The following TMEM117 variants were observed in gnomAD, a reference collection of about 807,000 sequenced individuals.
TMEM117 encodes transmembrane protein 117.
TMEM117 carries 27 observed loss-of-function variants against 52.4 expected under a neutral mutation model. The ratio of observed to expected loss-of-function variants is 0.51; its 90% CI spans 0.38 to 0.71. TMEM117 has a LOEUF of 0.71. TMEM117 is among the 30% of genes least tolerant of loss of function. The pLI is 0.00. For missense variants in TMEM117, 556 were observed against 630.5 expected (o/e 0.88, Z 1.26); for synonymous variants, 215 against 206.3 (o/e 1.04, Z -0.36).
At chr12:44,134,843 C>G (rs1283227427) in intron 3 of TMEM117, among the ~76,000 whole-genome samples, 1 of 151,770 alleles carries the variant, frequency 6.6e-6, no homozygotes, top group Non-Finnish European at 1.5e-5. Flanking sequence ...GACGTTAGCT[C>G]AAGAACAAAG....
intron 2 of TMEM117, among the ~76,000 whole-genome samples, chr12:43,900,699 C>T (rs533119124): frequency 1.6e-4 from 22 of 141,102 alleles, no homozygotes; most frequent in African/African-American, 5.6e-4. Context: ...GCCTGGGCGA[C>T]AGAGTGAGAC....
chr12:43,995,759 A>G (rs977112671), intron 3 of TMEM117, among the ~76,000 whole-genome samples: 7 of 152,214 alleles, frequency 4.6e-5, no homozygotes, highest in African/African-American at 1.4e-4. Context: ...ATCACAGGCT[A>G]CAAGAAAACA....
At chr12:43,820,835 C>T in the TMEM117 span, among the ~76,000 whole-genome samples, 2 of 151,920 alleles carry the variant, frequency 1.3e-5, no homozygotes, top group Admixed American at 6.6e-5. Flanking sequence ...GGCGCGTTGG[C>T]TCACGCCTGT....
chr12:43,908,673 CA>C (rs957541883), intron 2 of TMEM117, among the ~76,000 whole-genome samples: 5 of 151,472 alleles, frequency 3.3e-5, no homozygotes, highest in Admixed American at 6.6e-5. Flanking sequence ...AAATGGAAAA[CA>C]AAAAAAGGCA....
chr12:43,819,156 T>C, the TMEM117 span, among the ~76,000 whole-genome samples: 2 of 152,182 alleles, frequency 1.3e-5, no homozygotes, highest in Non-Finnish European at 2.9e-5. Flanking sequence ...AACCAGTTGT[T>C]TGATTGTAGA....
At chr12:43,907,423 C>CT (rs1485644595) in intron 2 of TMEM117, among the ~76,000 whole-genome samples, 1 of 151,244 alleles carries the variant, frequency 6.6e-6, no homozygotes, top group Non-Finnish European at 1.5e-5. Flanking sequence ...ACTGGAAACT[C>CT]TAAAAAGCGG....
At chr12:44,393,017 CA>C (rs1243024858), downstream of TMEM117, among the ~76,000 whole-genome samples, 12 of 152,048 alleles carry the variant, frequency 7.9e-5, no homozygotes, top group Admixed American at 7.9e-4. Context: ...AAATATCTTC[CA>C]GGTACTTTCT....
chr12:44,114,215 G>A (rs1370094606), intron 3 of TMEM117, among the ~76,000 whole-genome samples: 1 of 151,984 alleles, frequency 6.6e-6, no homozygotes, highest in African/African-American at 2.4e-5. Context: ...TTCCTATTCG[G>A]CCATCTTGGC....
intron 3 of TMEM117, among the ~76,000 whole-genome samples, chr12:44,125,641 T>C (rs1948312553): frequency 6.6e-6 from 1 of 152,158 alleles, no homozygotes; most frequent in Non-Finnish European, 1.5e-5. Flanking sequence ...GGTCTATCTG[T>C]TTTATTAAGT....
intron 3 of TMEM117, among the ~76,000 whole-genome samples, chr12:44,084,084 G>T (rs538170532): frequency 1.3e-5 from 2 of 152,156 alleles, no homozygotes; most frequent in African/African-American, 2.4e-5. Context: ...GTTAAATATT[G>T]GTTTAAAGGT....
At chr12:44,145,997 G>A (rs1948637292) in intron 4 of TMEM117, among the ~76,000 whole-genome samples, 4 of 152,116 alleles carry the variant, frequency 2.6e-5, no homozygotes, top group Admixed American at 2.6e-4. Context: ...ACCATATACA[G>A]CTCTGCCTCT....
rs1352636475 is a variant in TMEM117 at position 43,844,835 on chromosome 12, G to T, written c.184G>T (p.Val62Phe). The change falls in exon 2 of 8, where the codon GTT (valine) becomes TTT (phenylalanine). Residue 62 changes from valine to phenylalanine, a missense_variant. Coordinates refer to ENST00000266534, the MANE Select transcript of TMEM117 (RefSeq NM_032256.3). ...SFVTNKYPRG[V>F]GWRILKVLLW... ...TGTTACAAATAAATACCCTAGAGGA[G>T]TTGGCTGGAGGATTTTGAAGGTGCT... 6.8e-6 allele frequency: 11 copies of T among 1,614,088 alleles called. No individual in the cohort carries two copies. Among genetic ancestry groups the T allele is most frequent in the Non-Finnish European group, 9.3e-6 (11 of 1,180,042 alleles).
intron 5 of TMEM117, among the ~76,000 whole-genome samples, chr12:44,266,201 T>A (rs1474280140): frequency 6.6e-6 from 1 of 152,194 alleles, no homozygotes; most frequent in Admixed American, 6.5e-5. Context: ...TTTGAAGAAC[T>A]ACCAAACTGC....
chr12:44,256,306 G>C (rs1017179865), intron 5 of TMEM117, among the ~76,000 whole-genome samples: 1 of 151,644 alleles, frequency 6.6e-6, no homozygotes, highest in African/African-American at 2.4e-5. Context: ...TTATTGCATT[G>C]GTCAGATATA....
intron 5 of TMEM117, among the ~76,000 whole-genome samples, chr12:44,228,645 G>A (rs779328090): frequency 5.9e-5 from 9 of 152,092 alleles, no homozygotes; most frequent in Non-Finnish European, 1.3e-4. Context: ...AGAACTGAAT[G>A]ACTGGAAGGA....
chr12:44,282,437 A>T (rs776080510), intron 5 of TMEM117, among the ~76,000 whole-genome samples: 2 of 152,202 alleles, frequency 1.3e-5, no homozygotes, highest in Non-Finnish European at 2.9e-5. Context: ...GCTGATAGCG[A>T]TATGGACCAT....
chr12:44,216,598 T>A (rs1949721681), intron 5 of TMEM117, among the ~76,000 whole-genome samples: 1 of 152,182 alleles, frequency 6.6e-6, no homozygotes, highest in South Asian at 2.1e-4. Flanking sequence ...AAATTGATGC[T>A]GGAAACTGGA....
At chr12:44,152,458 T>A (rs1179640242) in intron 4 of TMEM117, among the ~76,000 whole-genome samples, 4 of 109,338 alleles carry the variant, frequency 3.7e-5, no homozygotes, top group Admixed American at 1.1e-4. Context: ...ATAAAAATTT[T>A]TATATCTATA....
chr12:43,991,092 C>T (rs966712571), intron 3 of TMEM117, among the ~76,000 whole-genome samples: 1 of 152,122 alleles, frequency 6.6e-6, no homozygotes. Flanking sequence ...GAAAGAGGGC[C>T]TCAGAAATAG....
Sources: allele counts gnomAD v4.1 joint callset (sites outside exome capture counted in the v4.1 genomes callset), GRCh38; gene constraint gnomAD v4.1.1; transcripts MANE v1.5; gene names NCBI Gene and HGNC (gene_info 2026-07-23, HGNC 2026-07-21).